The following PTPRD variants were observed in gnomAD, a reference collection of about 807,000 sequenced individuals.
PTPRD encodes the protein protein tyrosine phosphatase receptor type D.
PTPRD carries 34 observed loss-of-function variants against 214.5 expected under a neutral mutation model. The observed-to-expected ratio is 0.16, with a 90% CI of 0.12 to 0.21. PTPRD has a LOEUF of 0.21. PTPRD is among the 10% of genes least tolerant of loss of function. PTPRD has a pLI of 1.00. For missense variants in PTPRD, 2,545 were observed against 2,398.7 expected (o/e 1.06, Z -1.27); for synonymous variants, 1,128 against 845.7 (o/e 1.33, Z -5.79).
intron 14 of PTPRD, among the ~76,000 whole-genome samples, chr9:8,628,504 G>C (rs1243791570): frequency 6.6e-6 from 1 of 151,304 alleles, no homozygotes; most frequent in East Asian, 2.0e-4. Flanking sequence ...TTTCCATCTT[G>C]CAAGAACTGA....
At chr9:10,441,251 T>G (rs79430829) in intron 2 of PTPRD, among the ~76,000 whole-genome samples, 1 of 151,604 alleles carries the variant, frequency 6.6e-6, no homozygotes, top group Non-Finnish European at 1.5e-5. Context: ...AGCTCATATA[T>G]TGGAGCATAC....
At chr9:8,637,141 A>G (rs754584686) in intron 12 of PTPRD, among the ~76,000 whole-genome samples, 1 of 152,198 alleles carries the variant, frequency 6.6e-6, no homozygotes, top group Non-Finnish European at 1.5e-5. Flanking sequence ...TTTTATTACC[A>G]GTATATAAAA....
chr9:8,722,123 C>CTGTG (rs34720946), intron 12 of PTPRD, among the ~76,000 whole-genome samples: 4,399 of 147,400 alleles, frequency 0.03, 73 homozygotes, highest in East Asian at 0.044. Flanking sequence ...AAGTATTACT[C>CTGTG]TGTGTGTGTG....
At chr9:10,516,337 A>G (rs2050096427) in intron 2 of PTPRD, among the ~76,000 whole-genome samples, 1 of 151,848 alleles carries the variant, frequency 6.6e-6, no homozygotes. Context: ...TGTTGAGCAC[A>G]TTCTTATATA....
At chr9:9,377,342 A>G (rs1304078225) in intron 9 of PTPRD, among the ~76,000 whole-genome samples, 1 of 152,118 alleles carries the variant, frequency 6.6e-6, no homozygotes, top group African/African-American at 2.4e-5. Context: ...GAATGCCACA[A>G]ATAAGATGTT....
At chr9:9,790,198 G>T (rs1176521855) in intron 5 of PTPRD, among the ~76,000 whole-genome samples, 4 of 152,138 alleles carry the variant, frequency 2.6e-5, no homozygotes, top group African/African-American at 9.7e-5. Flanking sequence ...GCCTTAAAAA[G>T]TGAATGTTTG....
At chr9:10,457,778 G>C (rs2098929306) in intron 2 of PTPRD, among the ~76,000 whole-genome samples, 1 of 152,014 alleles carries the variant, frequency 6.6e-6, no homozygotes, top group Non-Finnish European at 1.5e-5. Flanking sequence ...TGTTGGGTGT[G>C]TTGTGCTACT....
At chr9:9,372,677 C>T (rs1326062163) in intron 9 of PTPRD, among the ~76,000 whole-genome samples, 1 of 151,982 alleles carries the variant, frequency 6.6e-6, no homozygotes, top group African/African-American at 2.4e-5. Flanking sequence ...TGGTTATTTA[C>T]TCGTTAGTTG....
chr9:10,183,861 G>A (rs1316476272), intron 3 of PTPRD, among the ~76,000 whole-genome samples: 1 of 152,146 alleles, frequency 6.6e-6, no homozygotes, highest in Non-Finnish European at 1.5e-5. Flanking sequence ...AGTAAAGACA[G>A]AACCACAAAG....
intron 2 of PTPRD, among the ~76,000 whole-genome samples, chr9:10,478,212 G>C (rs1221124986): frequency 2.6e-5 from 4 of 152,040 alleles, no homozygotes; most frequent in African/African-American, 7.2e-5. Flanking sequence ...GAAAAGTATA[G>C]TCATTATTTC....
At chr9:8,859,653 A>C (rs1397557257) in intron 11 of PTPRD, among the ~76,000 whole-genome samples, 1 of 152,154 alleles carries the variant, frequency 6.6e-6, no homozygotes, top group Non-Finnish European at 1.5e-5. Flanking sequence ...TGCTGTCTCA[A>C]GCTGCCCATT....
chr9:9,467,716 T>C (rs1433476724), intron 8 of PTPRD, among the ~76,000 whole-genome samples: 2 of 152,040 alleles, frequency 1.3e-5, no homozygotes, highest in African/African-American at 2.4e-5. Flanking sequence ...TGTACTTCTA[T>C]AGTTTATCTT....
At chr9:9,048,101 T>C (rs2099676749) in intron 10 of PTPRD, among the ~76,000 whole-genome samples, 1 of 152,164 alleles carries the variant, frequency 6.6e-6, no homozygotes, top group Non-Finnish European at 1.5e-5. Flanking sequence ...TACAATGTGA[T>C]ATCTTCTCAG....
At position 9,317,844 on chromosome 9, in the gene PTPRD, A is replaced by G. The variant is rs567483242; in HGVS notation, c.-203+79605T>C. Among the ~76,000 whole-genome samples, 5 of 152,304 alleles carry G rather than the reference A, an allele frequency of 3.3e-5. No individual in the cohort carries two copies. In the South Asian group the frequency reaches 1.0e-3, roughly 32 times the overall value. ...ATAGATTATGTGCATTTTCATAATA[A>G]CAATCTATCAGGAAGAAAAACAAAC... is the stretch of plus-strand genomic sequence containing the variant. On this transcript the variant is annotated intron_variant, in intron 9 of 45. Coordinates refer to ENST00000381196, the MANE Select transcript of PTPRD (RefSeq NM_002839.4).
At chr9:8,996,858 C>T (rs563756671) in intron 11 of PTPRD, among the ~76,000 whole-genome samples, 51 of 152,118 alleles carry the variant, frequency 3.4e-4, no homozygotes, top group African/African-American at 1.2e-3. Flanking sequence ...GGGGATATAA[C>T]ATTTGGACCA....
chr9:8,317,972 A>G (rs1823090085), intron 45 of PTPRD, 30 bp from the exon 46 acceptor site: 5 of 1,590,714 alleles, frequency 3.1e-6, no homozygotes, highest in Non-Finnish European at 4.3e-6. Flanking sequence ...GGGAGAAGCA[A>G]AAGAAGGGAC....
intron 9 of PTPRD, among the ~76,000 whole-genome samples, chr9:9,335,699 C>T (rs2044166491): frequency 6.6e-6 from 1 of 152,044 alleles, no homozygotes; most frequent in Non-Finnish European, 1.5e-5. Flanking sequence ...ATTCCTTTCT[C>T]ATTCACTTTT....
chr9:8,858,531 G>C (rs1181724993), intron 11 of PTPRD, among the ~76,000 whole-genome samples: 1 of 152,156 alleles, frequency 6.6e-6, no homozygotes, highest in Non-Finnish European at 1.5e-5. Flanking sequence ...CATTGGAAAG[G>C]CTTCTCTCTT....
At chr9:10,116,084 G>A (rs533047274) in intron 3 of PTPRD, among the ~76,000 whole-genome samples, 53 of 152,106 alleles carry the variant, frequency 3.5e-4, no homozygotes, top group Non-Finnish European at 4.9e-4. Context: ...ATTATATCAG[G>A]CTTAACAAGC....
Sources: allele counts gnomAD v4.1 joint callset (sites outside exome capture counted in the v4.1 genomes callset), GRCh38; gene constraint gnomAD v4.1.1; transcripts MANE v1.5; gene names NCBI Gene and HGNC (gene_info 2026-07-23, HGNC 2026-07-21).